The following TMEM117 variants were observed in gnomAD, a reference collection of about 807,000 sequenced individuals.
TMEM117 encodes transmembrane protein 117.
TMEM117 carries 27 observed loss-of-function variants against 52.4 expected under a neutral mutation model. The ratio of observed to expected loss-of-function variants is 0.51; its 90% CI spans 0.38 to 0.71. The LOEUF (loss-of-function observed/expected upper bound fraction) is 0.71. TMEM117 is among the 30% of genes least tolerant of loss of function. The pLI is 0.00. For missense variants in TMEM117, 556 were observed against 630.5 expected (o/e 0.88, Z 1.26); for synonymous variants, 215 against 206.3 (o/e 1.04, Z -0.36).
chr12:44,310,594 C>T (rs537766518), intron 6 of TMEM117, among the ~76,000 whole-genome samples: 2 of 152,278 alleles, frequency 1.3e-5, no homozygotes, highest in African/African-American at 4.8e-5. Flanking sequence ...GCTGAGATTG[C>T]ACCATTGCAC....
intron 2 of TMEM117, among the ~76,000 whole-genome samples, chr12:43,867,688 T>A (rs1388644770): frequency 6.6e-6 from 1 of 151,862 alleles, no homozygotes; most frequent in Non-Finnish European, 1.5e-5. Flanking sequence ...TATGTTAATA[T>A]CAGACAAAAG....
chr12:44,316,596 C>G (rs1405498128), intron 6 of TMEM117, among the ~76,000 whole-genome samples: 2 of 152,128 alleles, frequency 1.3e-5, no homozygotes, highest in Non-Finnish European at 2.9e-5. Flanking sequence ...CACAGGTGTT[C>G]TCTGGATTTC....
At chr12:44,075,062 C>T (rs1041542349) in intron 3 of TMEM117, among the ~76,000 whole-genome samples, 2 of 152,164 alleles carry the variant, frequency 1.3e-5, no homozygotes, top group African/African-American at 4.8e-5. Flanking sequence ...TGTGCTTTCT[C>T]CATAGTGGTA....
At chr12:44,024,686 T>C (rs922103744) in intron 3 of TMEM117, among the ~76,000 whole-genome samples, 1 of 151,578 alleles carries the variant, frequency 6.6e-6, no homozygotes, top group African/African-American at 2.4e-5. Context: ...AGTGGAAGGA[T>C]TGTGGTGATT....
intron 5 of TMEM117, among the ~76,000 whole-genome samples, chr12:44,258,023 C>T (rs770489050): frequency 2.6e-5 from 4 of 151,772 alleles, no homozygotes; most frequent in Non-Finnish European, 5.9e-5. Flanking sequence ...TATTTATTAC[C>T]TTTATGAGAA....
intron 6 of TMEM117, among the ~76,000 whole-genome samples, chr12:44,323,460 T>A (rs1274048411): frequency 6.6e-6 from 1 of 152,172 alleles, no homozygotes; most frequent in Non-Finnish European, 1.5e-5. Context: ...CTCTATTAGA[T>A]GCTTGATGAA....
chr12:43,852,677 A>G (rs1943331402), intron 2 of TMEM117, among the ~76,000 whole-genome samples: 2 of 152,254 alleles, frequency 1.3e-5, no homozygotes, highest in African/African-American at 4.8e-5. Context: ...ATGAAGGGCA[A>G]AGTGATAAGG....
intron 5 of TMEM117, among the ~76,000 whole-genome samples, chr12:44,219,059 A>T (rs1334171503): frequency 6.6e-6 from 1 of 152,238 alleles, no homozygotes; most frequent in Non-Finnish European, 1.5e-5. Flanking sequence ...TATTTACTAT[A>T]ACCCTTTCTT....
rs933638062 is a variant in TMEM117 at position 43,957,445 on chromosome 12, A to G, written c.410+13103A>G. ...ATACAATATGCTGCATTATTTATAT[A>G]TAGGAATGAAGGCTTGAGAAAATGA... On this transcript the variant is annotated intron_variant, in intron 3 of 7. Transcript: ENST00000266534. 2.6e-5 allele frequency among the ~76,000 whole-genome samples: 4 copies of G among 152,360 alleles called. No homozygotes were observed. The South Asian group carries it at 8.3e-4, about 32-fold the overall frequency.
chr12:44,027,054 C>T (rs995227197), intron 3 of TMEM117, among the ~76,000 whole-genome samples: 5 of 148,550 alleles, frequency 3.4e-5, no homozygotes, highest in African/African-American at 9.9e-5. Context: ...TTTCTTTGGT[C>T]TCTTTAAACC....
At chr12:44,203,166 G>A (rs918531201) in intron 4 of TMEM117, among the ~76,000 whole-genome samples, 16 of 151,906 alleles carry the variant, frequency 1.1e-4, no homozygotes, top group African/African-American at 3.9e-4. Flanking sequence ...CAGGATTTCA[G>A]TTTCTTCCCG....
chr12:44,236,408 T>G (rs776120157), intron 5 of TMEM117, among the ~76,000 whole-genome samples: 3 of 152,152 alleles, frequency 2.0e-5, no homozygotes, highest in Non-Finnish European at 2.9e-5. Flanking sequence ...AAACCTGTTC[T>G]TAATTTCAGC....
chr12:44,196,916 G>T (rs1157427235), intron 4 of TMEM117, among the ~76,000 whole-genome samples: 2 of 152,166 alleles, frequency 1.3e-5, no homozygotes, highest in Admixed American at 6.5e-5. Context: ...TCTTTTCTTG[G>T]ACTTGCCATT....
At chr12:44,240,715 T>G (rs568613945) in intron 5 of TMEM117, among the ~76,000 whole-genome samples, 128 of 152,088 alleles carry the variant, frequency 8.4e-4, no homozygotes, top group South Asian at 1.4e-3. Context: ...TAATGATATA[T>G]TTTGGAGACC....
intron 3 of TMEM117, among the ~76,000 whole-genome samples, chr12:43,976,864 A>G (rs1199265431): frequency 1.3e-5 from 2 of 152,192 alleles, no homozygotes; most frequent in Non-Finnish European, 2.9e-5. Context: ...TGCATCCTAG[A>G]ATTAGTAAAT....
At chr12:43,864,659 CCAATCAGCACCCTGTCAAAACAGA>C (rs1347405368) in intron 2 of TMEM117, among the ~76,000 whole-genome samples, 1 of 152,128 alleles carries the variant, frequency 6.6e-6, no homozygotes, top group Non-Finnish European at 1.5e-5. Context: ...TGTAAAAGCA[CCAATCAGCACCCTGTCAAAACAGA>C]CCAATCAGCT....
At chr12:43,897,312 CTTTT>C (rs11312930) in intron 2 of TMEM117, among the ~76,000 whole-genome samples, 6 of 101,984 alleles carry the variant, frequency 5.9e-5, no homozygotes, top group Non-Finnish European at 8.4e-5. Flanking sequence ...TGTAACCATT[CTTTT>C]TTTTTTTTTT....
At chr12:44,360,475 G>A (rs1245890729) in intron 6 of TMEM117, among the ~76,000 whole-genome samples, 1 of 151,620 alleles carries the variant, frequency 6.6e-6, no homozygotes, top group African/African-American at 2.4e-5. Context: ...GCTGAGGCAG[G>A]AGAATTGCCT....
At chr12:44,369,987 A>G (rs956469625) in intron 6 of TMEM117, among the ~76,000 whole-genome samples, 1 of 152,196 alleles carries the variant, frequency 6.6e-6, no homozygotes, top group African/African-American at 2.4e-5. Flanking sequence ...TCTATTGTTC[A>G]TCCTTCAAAT....
Sources: allele counts gnomAD v4.1 joint callset (sites outside exome capture counted in the v4.1 genomes callset), GRCh38; gene constraint gnomAD v4.1.1; transcripts MANE v1.5; gene names NCBI Gene and HGNC (gene_info 2026-07-23, HGNC 2026-07-21).